EML4: variants seen among roughly 807,000 people sequenced by gnomAD.
EML4 encodes the protein echinoderm microtubule-associated protein-like 4.
A neutral mutation model predicts 129.0 loss-of-function variants in EML4; 72 were observed. The ratio of observed to expected loss-of-function variants is 0.56; its 90% CI spans 0.46 to 0.68. The LOEUF is 0.68. Ranked by LOEUF, EML4 falls within the 30% of genes least tolerant of loss-of-function variation. The probability of loss-of-function intolerance (pLI) is 0.00; values close to 1 mark genes in which losing one functional copy is unlikely to be tolerated. For synonymous variants in EML4, 532 were observed against 405.0 expected, an observed-to-expected ratio of 1.31 and a Z score of -3.77; for missense variants, 1,363 against 1,190.6, an observed-to-expected ratio of 1.14 and a Z score of -2.13.
rs541071288 is a variant in EML4, at chr2:42,207,345, A to G, written c.25+37709A>G. On this transcript the variant is annotated intron_variant, in intron 1 of 22. Coordinates refer to ENST00000318522, the MANE Select transcript of EML4 (RefSeq NM_019063.5). ...TAACTAGTTTTCACATAAGTAATTT[A>G]AAGAATGTAACTAGTACCTTAAGGG... is the stretch of plus-strand genomic sequence containing the variant. Among the ~76,000 whole-genome samples, 318 of 152,298 alleles carry G rather than the reference A, an allele frequency of 2.1e-3. 1 individual carries two copies. Among genetic ancestry groups the G allele is most frequent in the South Asian group, 4.3e-3 (21 of 4,828 alleles).
chr2:42,305,036 T>A (rs1572725809), intron 17 of EML4, among the ~76,000 whole-genome samples: 1 of 152,080 alleles, frequency 6.6e-6, no homozygotes, highest in Non-Finnish European at 1.5e-5. Context: ...GGAGAATCAG[T>A]TGAACCTGGG....
intron 1 of EML4, 24 bp downstream of exon 1, chr2:42,169,660 C>A: frequency 6.3e-7 from 1 of 1,599,494 alleles, no homozygotes; most frequent in South Asian, 1.1e-5. Flanking sequence ...GGGAGTCCTG[C>A]GTCTTCTGCG....
intron 11 of EML4, 131 bp from the exon 12 acceptor site, chr2:42,294,994 A>C (rs1667863439): frequency 1.3e-6 from 1 of 782,846 alleles, no homozygotes; most frequent in African/African-American, 1.8e-5. Flanking sequence ...TTTTCAGGAA[A>C]ATTGTCTTAG....
intron 1 of EML4, among the ~76,000 whole-genome samples, chr2:42,208,747 TTTTA>T: frequency 6.6e-6 from 1 of 151,764 alleles, no homozygotes; most frequent in Non-Finnish European, 1.5e-5. Context: ...AGCCTACTCC[TTTTA>T]TTTATTTTTT....
chr2:42,220,448 T>C (rs76740029), intron 1 of EML4, among the ~76,000 whole-genome samples: 20,593 of 152,064 alleles, frequency 0.14, 1,573 homozygotes, highest in Middle Eastern at 0.23. Flanking sequence ...TGTAATTGTT[T>C]TGGAGTGCCA....
At chr2:42,301,850 C>G (rs1165038395) in intron 14 of EML4, among the ~76,000 whole-genome samples, 1 of 152,090 alleles carries the variant, frequency 6.6e-6, no homozygotes, top group Non-Finnish European at 1.5e-5. Flanking sequence ...TCAGTTCATA[C>G]TGAAAATGCA....
In EML4 at chr2:42,296,200, G is replaced by T. The variant is rs138500243; in HGVS notation, c.1489+684G>T. 2.2e-3 allele frequency among the ~76,000 whole-genome samples: 339 copies of T among 152,210 alleles called. 2 individuals carry two copies. The highest frequency in any genetic ancestry group is 7.8e-3 in the African/African-American group (323 of 41,518). The stretch of plus-strand genomic sequence containing the variant: ...TCCAGAGTACCATGTACTTCCTTCA[G>T]AGTAGGAGGTTCTAAGAGAAAAATT... On this transcript the variant is annotated intron_variant, in intron 13 of 22. Transcript: ENST00000318522.
chr2:42,248,385 C>T (rs1193998586), intron 2 of EML4, among the ~76,000 whole-genome samples: 1 of 152,084 alleles, frequency 6.6e-6, no homozygotes, highest in African/African-American at 2.4e-5. Flanking sequence ...TTGCTTTTTT[C>T]CCAGCATATA....
chr2:42,253,373 C>T (rs764241300), intron 2 of EML4, among the ~76,000 whole-genome samples: 4 of 152,154 alleles, frequency 2.6e-5, no homozygotes, highest in Non-Finnish European at 4.4e-5. Context: ...TTTAACATCT[C>T]TGAAATTACG....
chr2:42,329,901 T>C lies in EML4; in HGVS notation c.2640T>C (p.Thr880=). ...AGAATGAGACTGTAGCGGATACTACTCTAACCAAAGCCCCCGTCTCTTCCA... is the reference window on the plus strand; with the variant it reads ...AGAATGAGACTGTAGCGGATACTACCCTAACCAAAGCCCCCGTCTCTTCCA... ...LPQNETVADT[T]LTKAPVSSTE... Residue 880 remains threonine (T), a synonymous_variant, in exon 23 of 23, where the codon ACT becomes ACC. Transcript: ENST00000318522. 6.2e-7 allele frequency: 1 copy of C among 1,614,040 alleles called. No homozygotes were observed. Among genetic ancestry groups the C allele is most frequent in the Non-Finnish European group, 8.5e-7 (1 of 1,180,016 alleles).
chr2:42,303,098 T>C lies in EML4; in HGVS notation c.1642-6T>C, dbSNP rs760375187. 6.3e-5 allele frequency: 102 copies of C among 1,613,046 alleles called. No homozygotes were observed. Among genetic ancestry groups the C allele is most frequent in the Non-Finnish European group, 7.5e-5 (88 of 1,179,762 alleles). On this transcript the variant is annotated splice_region_variant and splice_polypyrimidine_tract_variant and intron_variant, in intron 14 of 22. Transcript: ENST00000318522. The stretch of plus-strand genomic sequence containing the variant: ...GTATATGGTGACTTTACACTTTTTT[T>C]TCTAGGTTCCTGATCAGTATGGCAC...
intron 11 of EML4, among the ~76,000 whole-genome samples, chr2:42,292,368 C>T (rs1164724291): frequency 6.6e-6 from 1 of 152,086 alleles, no homozygotes; most frequent in Admixed American, 6.5e-5. Flanking sequence ...TGGAAACTAC[C>T]CTGCCCATCA....
chr2:42,328,726 C>T (rs370993912), intron 21 of EML4, among the ~76,000 whole-genome samples, 160 bp from the exon 22 acceptor site: 10 of 152,144 alleles, frequency 6.6e-5, no homozygotes, highest in Non-Finnish European at 1.5e-4. Context: ...GAATGAAGAA[C>T]AGTGTGAGCC....
At chr2:42,267,971 TA>T (rs1666157606) in intron 6 of EML4, among the ~76,000 whole-genome samples, 1 of 152,186 alleles carries the variant, frequency 6.6e-6, no homozygotes, top group Non-Finnish European at 1.5e-5. Context: ...TTACTGATTT[TA>T]AAAAATTTTC....
At chr2:42,177,636 GACAA>G (rs1293161775) in intron 1 of EML4, among the ~76,000 whole-genome samples, 5 of 152,168 alleles carry the variant, frequency 3.3e-5, no homozygotes, top group South Asian at 4.1e-4. Flanking sequence ...CAAGCAAACA[GACAA>G]ACAAAAACTC....
intron 1 of EML4, among the ~76,000 whole-genome samples, chr2:42,225,427 T>G (rs905135516): frequency 3.3e-5 from 5 of 152,198 alleles, no homozygotes; most frequent in African/African-American, 1.2e-4. Flanking sequence ...ATAATTTGTA[T>G]ATCTTCTTTA....
At chr2:42,198,132 G>A (rs1672003719) in intron 1 of EML4, among the ~76,000 whole-genome samples, 1 of 152,166 alleles carries the variant, frequency 6.6e-6, no homozygotes, top group African/African-American at 2.4e-5. Flanking sequence ...GGTAGTAATG[G>A]AAAAAGAGAA....
intron 1 of EML4, among the ~76,000 whole-genome samples, chr2:42,212,042 T>A (rs1198557774): frequency 1.3e-5 from 2 of 152,034 alleles, no homozygotes; most frequent in Admixed American, 1.3e-4. Context: ...GATGGGGTTT[T>A]GCCATGTTGA....
chr2:42,243,343 A>G (rs1675164596), intron 1 of EML4, among the ~76,000 whole-genome samples: 1 of 152,198 alleles, frequency 6.6e-6, no homozygotes, highest in South Asian at 2.1e-4. Context: ...ATTCAGCTAG[A>G]CCACCGTGGA....
Sources: allele counts gnomAD v4.1 joint callset (sites outside exome capture counted in the v4.1 genomes callset), GRCh38; gene constraint gnomAD v4.1.1; transcripts MANE v1.5; gene names NCBI Gene and HGNC (gene_info 2026-07-23, HGNC 2026-07-21).